The following TUSC3 variants were observed in gnomAD, a reference collection of about 807,000 sequenced individuals.
TUSC3 encodes dolichyl-diphosphooligosaccharide--protein glycosyltransferase subunit TUSC3.
Under a neutral mutation model 44.8 loss-of-function variants are expected in TUSC3, and 45 were observed. The observed-to-expected ratio is 1.00, with a 90% confidence interval of 0.79 to 1.29. TUSC3 has a LOEUF of 1.29. TUSC3 is among the 50% of genes most tolerant of loss of function. The probability of loss-of-function intolerance (pLI) is 0.00; values close to 1 mark genes in which losing one functional copy is unlikely to be tolerated. For missense variants in TUSC3, 519 were observed against 437.9 expected, an observed-to-expected ratio of 1.19 and a Z score of -1.65; for synonymous variants, 212 against 152.9, an observed-to-expected ratio of 1.39 and a Z score of -2.85.
At chr8:15,651,902 T>A (rs1337326937) in intron 3 of TUSC3, among the ~76,000 whole-genome samples, 1 of 152,200 alleles carries the variant, frequency 6.6e-6, no homozygotes, top group Non-Finnish European at 1.5e-5. Flanking sequence ...CAGGCACTGT[T>A]CAACTTATGT....
chr8:15,849,934 A>G, the TUSC3 span, among the ~76,000 whole-genome samples: 1 of 152,178 alleles, frequency 6.6e-6, no homozygotes, highest in African/African-American at 2.4e-5. Flanking sequence ...AAGTTGCAAT[A>G]AAGAAACCTG....
At chr8:15,501,329 C>A (rs1484962127) in intron 2 of TUSC3, among the ~76,000 whole-genome samples, 1 of 152,144 alleles carries the variant, frequency 6.6e-6, no homozygotes, top group African/African-American at 2.4e-5. Context: ...CTTCTTGGAA[C>A]CCAAAGTTTG....
At chr8:15,555,438 A>T (rs886824791) in intron 1 of TUSC3, among the ~76,000 whole-genome samples, 1 of 150,698 alleles carries the variant, frequency 6.6e-6, no homozygotes, top group South Asian at 2.1e-4. Context: ...CTGGGACCAC[A>T]GGCACTTGCC....
intron 1 of TUSC3, among the ~76,000 whole-genome samples, chr8:15,604,304 T>G (rs1238843480): frequency 6.6e-6 from 1 of 151,584 alleles, no homozygotes; most frequent in African/African-American, 2.4e-5. Flanking sequence ...GAAAGTAAGA[T>G]GGGATAAAGG....
intron 6 of TUSC3, among the ~76,000 whole-genome samples, chr8:15,696,741 G>T (rs1809185550): frequency 6.6e-6 from 1 of 152,168 alleles, no homozygotes; most frequent in Admixed American, 6.5e-5. Flanking sequence ...AGGGATATCT[G>T]TCTGTAGTTT....
At position 15,766,138 on chromosome 8, in the gene TUSC3, A is replaced by T. The variant is rs1381157280; in HGVS notation, c.*1982A>T. On this transcript the variant is annotated 3_prime_UTR_variant, in exon 11 of 11. Transcript: ENST00000503731. The stretch of plus-strand genomic sequence containing the variant: ...ATTTCCTCTGAGCATTTAAAATTAC[A>T]TCCAGTGATAAAAACAATATTTTTT... The T allele has an allele frequency of 1.3e-5, 2 of 152,096 alleles. No individual in the cohort carries two copies. Among genetic ancestry groups the T allele is most frequent in the African/African-American group, 4.8e-5 (2 of 41,440 alleles). 9.4% of individuals were successfully genotyped at this position (152,096 alleles called of 1,614,324 possible).
the TUSC3 span, among the ~76,000 whole-genome samples, chr8:15,826,730 G>A: frequency 6.6e-6 from 1 of 151,888 alleles, no homozygotes; most frequent in South Asian, 2.1e-4. Context: ...TCAAAGGCAG[G>A]AAGAGGAATG....
At chr8:15,436,521 C>T (rs28488456) in intron 1 of TUSC3, among the ~76,000 whole-genome samples, 1 of 151,954 alleles carries the variant, frequency 6.6e-6, no homozygotes, top group East Asian at 1.9e-4. Flanking sequence ...CATTTTATGC[C>T]GAAGAAATAG....
At chr8:15,614,770 T>C (rs111341325) in intron 1 of TUSC3, among the ~76,000 whole-genome samples, 4,349 of 152,212 alleles carry the variant, frequency 0.029, 222 homozygotes, top group African/African-American at 0.098. Flanking sequence ...TTGGACATAG[T>C]AATCTGTGAA....
intron 1 of TUSC3, among the ~76,000 whole-genome samples, chr8:15,620,150 T>A (rs981802845): frequency 3.9e-5 from 6 of 152,100 alleles, no homozygotes; most frequent in Non-Finnish European, 8.8e-5. Context: ...CATAAAGAGA[T>A]AGAAGATGAA....
At chr8:15,838,737 C>G in the TUSC3 span, among the ~76,000 whole-genome samples, 3 of 152,108 alleles carry the variant, frequency 2.0e-5, no homozygotes, top group Non-Finnish European at 4.4e-5. Context: ...GGTACCAGTA[C>G]CATGCTGTTT....
chr8:15,540,295 G>A lies in TUSC3; in HGVS notation c.-136G>A, dbSNP rs561030297. The A allele has an allele frequency of 4.0e-6, 5 of 1,248,920 alleles. No individual in the cohort carries two copies. Among genetic ancestry groups the A allele is most frequent in the Admixed American group, 8.0e-5 (2 of 24,944 alleles). The allele number at this position is 1,248,920 out of a possible 1,614,324, so 77.4% of individuals were successfully genotyped here. A position where few individuals can be genotyped will look rare whatever the true frequency, so the allele number is the denominator to read the frequency against. ...TCCTCTGCGTCCTCGGCCGCGGCCC[G>A]GGTCCCTCGCAAAGCCGCTGCCATC... is the stretch of plus-strand genomic sequence containing the variant. On this transcript the variant is annotated 5_prime_UTR_variant, in exon 1 of 11. Transcript: ENST00000503731.
At chr8:15,532,107 C>G (rs561841746) in intron 2 of TUSC3, among the ~76,000 whole-genome samples, 2 of 151,740 alleles carry the variant, frequency 1.3e-5, no homozygotes, top group South Asian at 4.1e-4. Flanking sequence ...TTTTCTTTTC[C>G]TTGCAGATAG....
chr8:15,742,814 A>G (rs769409694), intron 7 of TUSC3, among the ~76,000 whole-genome samples: 16 of 152,226 alleles, frequency 1.1e-4, no homozygotes, highest in Admixed American at 2.0e-4. Flanking sequence ...CAATGTGAAA[A>G]ATGTTGTAAT....
intron 6 of TUSC3, among the ~76,000 whole-genome samples, chr8:15,683,005 G>C (rs556463470): frequency 6.6e-6 from 1 of 152,178 alleles, no homozygotes; most frequent in African/African-American, 2.4e-5. Context: ...TATGTTTTCT[G>C]ATAGGAAGTA....
At chr8:15,629,171 A>T (rs1028933667) in intron 2 of TUSC3, among the ~76,000 whole-genome samples, 10 of 152,184 alleles carry the variant, frequency 6.6e-5, no homozygotes, top group Non-Finnish European at 1.3e-4. Flanking sequence ...ATAAAATTAG[A>T]TGTTGATATT....
At chr8:15,743,751 C>CT in intron 8 of TUSC3, 139 bp downstream of exon 8, 1 of 963,754 alleles carries the variant, frequency 1.0e-6, no homozygotes, top group Non-Finnish European at 1.6e-6. Context: ...TAACTTTTTT[C>CT]TATTGCTGGG....
intron 1 of TUSC3, among the ~76,000 whole-genome samples, chr8:15,573,381 T>C (rs1480714227): frequency 6.6e-6 from 1 of 151,770 alleles, no homozygotes; most frequent in Non-Finnish European, 1.5e-5. Flanking sequence ...GTCAGGCAGT[T>C]AAGCTGTTCC....
chr8:15,672,558 C>T (rs1006319593), intron 5 of TUSC3, among the ~76,000 whole-genome samples: 9 of 152,008 alleles, frequency 5.9e-5, no homozygotes, highest in Admixed American at 3.9e-4. Context: ...TTATAAGCCT[C>T]CATTCCCAAG....
Sources: allele counts gnomAD v4.1 joint callset (sites outside exome capture counted in the v4.1 genomes callset), GRCh38; gene constraint gnomAD v4.1.1; transcripts MANE v1.5; gene names NCBI Gene and HGNC (gene_info 2026-07-23, HGNC 2026-07-21).